EVI5: variants seen among roughly 807,000 people sequenced by gnomAD.
EVI5 encodes ecotropic viral integration site 5 protein homolog.
In EVI5, 73 loss-of-function variants were observed where a neutral mutation model predicts 112.0. That is an observed-to-expected ratio of 0.65 (90% CI 0.54 to 0.79). EVI5 has a LOEUF of 0.79. Among genes scored for constraint, EVI5 ranks in the 30% least tolerant of loss-of-function variants. The pLI is 0.00. For synonymous variants in EVI5, 305 were observed against 319.9 expected (o/e 0.95, Z 0.50); for missense variants, 900 against 968.8 (o/e 0.93, Z 0.94).
chr1:92,689,655 C>T (rs1288823590), intron 9 of EVI5, among the ~76,000 whole-genome samples: 9 of 151,878 alleles, frequency 5.9e-5, no homozygotes, highest in Non-Finnish European at 1.3e-4. Context: ...GATGTTAAAC[C>T]ACTGCACGTG....
intron 18 of EVI5, among the ~76,000 whole-genome samples, chr1:92,577,970 G>A (rs1348318574): frequency 6.6e-6 from 1 of 152,214 alleles, no homozygotes; most frequent in East Asian, 1.9e-4. Flanking sequence ...TTTGTTTAGT[G>A]CAAGGTAGCT....
chr1:92,621,361 T>G (rs1024509336), intron 16 of EVI5, among the ~76,000 whole-genome samples: 9 of 152,330 alleles, frequency 5.9e-5, no homozygotes, highest in Non-Finnish European at 1.2e-4. Flanking sequence ...CAGGCTGGAG[T>G]GCAGTGGCGT....
At chr1:92,667,863 C>A (rs1665196770) in intron 10 of EVI5, among the ~76,000 whole-genome samples, 1 of 152,186 alleles carries the variant, frequency 6.6e-6, no homozygotes, top group South Asian at 2.1e-4. Flanking sequence ...GATCCGCCCG[C>A]CTCAGCCTCC....
intron 1 of EVI5, among the ~76,000 whole-genome samples, chr1:92,744,308 T>C (rs980112157): frequency 1.3e-5 from 2 of 152,182 alleles, no homozygotes; most frequent in African/African-American, 4.8e-5. Context: ...GCAGTCTATA[T>C]ATATCAATTA....
chr1:92,729,325 T>A (rs531257079), intron 2 of EVI5, among the ~76,000 whole-genome samples: 18 of 152,310 alleles, frequency 1.2e-4, no homozygotes, highest in African/African-American at 4.3e-4. Context: ...GGTCTGAAAC[T>A]ATCCACAGTT....
chr1:92,708,414 CAAT>C (rs1486838635), intron 2 of EVI5, among the ~76,000 whole-genome samples: 1 of 152,074 alleles, frequency 6.6e-6, no homozygotes, highest in Non-Finnish European at 1.5e-5. Context: ...ATTGAAAACA[CAAT>C]GAGATATTTT....
At chr1:92,589,027 A>G (rs1232025425) in intron 18 of EVI5, among the ~76,000 whole-genome samples, 1 of 152,206 alleles carries the variant, frequency 6.6e-6, no homozygotes, top group Non-Finnish European at 1.5e-5. Context: ...TATAAGAAAG[A>G]TCTCTAACAA....
At position 92,703,608 on chromosome 1, in the gene EVI5, A is replaced by T. The variant is rs779730699; in HGVS notation, c.351T>A (p.His117Gln). 2.6e-6 allele frequency: 4 copies of T among 1,567,964 alleles called. No homozygotes were observed. Among genetic ancestry groups the T allele is most frequent in the Non-Finnish European group, 2.6e-6 (3 of 1,158,918 alleles). The part of the protein sequence containing the change: ...KKEKQVKELV[H>Q]KGIPHHFRAI... ...CTCTAAAGTGATGGGGTATCCCTTT[A>T]TGAACAAGTTCCTAAAAATAAAATA... Residue 117 changes from histidine (H) to glutamine (Q), a missense_variant, in exon 4 of 20, where the codon CAT becomes CAA. Coordinates refer to ENST00000684568, the MANE Select transcript of EVI5 (RefSeq NM_001350197.2).
chr1:92,712,175 T>C (rs1162036298), intron 2 of EVI5, among the ~76,000 whole-genome samples: 1 of 152,086 alleles, frequency 6.6e-6, no homozygotes, highest in Admixed American at 6.6e-5. Context: ...TCACATCCTT[T>C]CACATCAACA....
chr1:92,686,447 G>A (rs992979728), intron 9 of EVI5, among the ~76,000 whole-genome samples: 2 of 152,188 alleles, frequency 1.3e-5, no homozygotes, highest in Admixed American at 6.5e-5. Flanking sequence ...CATACTGAAT[G>A]GGCAAAAGCT....
chr1:92,607,466 A>G, intron 17 of EVI5, 115 bp downstream of exon 17: 1 of 738,190 alleles, frequency 1.4e-6, no homozygotes, highest in Non-Finnish European at 2.0e-6. Flanking sequence ...GAAAAGTAGA[A>G]AATAGGACGA....
intron 19 of EVI5, among the ~76,000 whole-genome samples, chr1:92,518,466 C>A (rs1286655433): frequency 6.6e-6 from 1 of 151,952 alleles, no homozygotes; most frequent in Non-Finnish European, 1.5e-5. Flanking sequence ...CTGGGATTCC[C>A]CCCAAAAGGA....
At chr1:92,786,428 C>G (rs1052443079), upstream of EVI5, among the ~76,000 whole-genome samples, 22 of 152,248 alleles carry the variant, frequency 1.4e-4, no homozygotes, top group African/African-American at 5.3e-4. Context: ...TATTGCAACT[C>G]AATCCTTGTA....
intron 1 of EVI5, among the ~76,000 whole-genome samples, chr1:92,755,643 G>A (rs186527837): frequency 2.0e-3 from 298 of 152,214 alleles, no homozygotes; most frequent in African/African-American, 6.8e-3. Context: ...ATTGGGAGCC[G>A]CCTGCCAGTC....
At chr1:92,553,485 T>C (rs1406083321) in intron 19 of EVI5, among the ~76,000 whole-genome samples, 2 of 151,782 alleles carry the variant, frequency 1.3e-5, no homozygotes, top group African/African-American at 2.4e-5. Context: ...GTATTTTTAG[T>C]AGAGACAGGC....
chr1:92,529,632 A>AAT (rs1224398460), intron 19 of EVI5, among the ~76,000 whole-genome samples: 1 of 152,214 alleles, frequency 6.6e-6, no homozygotes. Context: ...AAAACAATCA[A>AAT]ATATGGCTCC....
At chr1:92,618,847 G>A (rs1360363391) in intron 16 of EVI5, among the ~76,000 whole-genome samples, 2 of 152,146 alleles carry the variant, frequency 1.3e-5, no homozygotes, top group Non-Finnish European at 2.9e-5. Flanking sequence ...TTTGTACTAA[G>A]AAAATATATT....
intron 18 of EVI5, among the ~76,000 whole-genome samples, chr1:92,595,424 G>A (rs936529149): frequency 7.2e-5 from 11 of 152,010 alleles, no homozygotes; most frequent in African/African-American, 2.4e-4. Context: ...GTGGGGTGGG[G>A]GGAGGTTGGA....
In EVI5 at chr1:92,588,148, C is replaced by T. The variant is rs563658745; in HGVS notation, c.2070+17159G>A. ...TTAATTTTTTAACCTCATTTCCCTC[C>T]AAACTAAATACCATGAATTCTTACA... On this transcript the variant is annotated intron_variant, in intron 18 of 19. Transcript: ENST00000684568. Among the ~76,000 whole-genome samples the T allele has an allele frequency of 2.5e-4, 38 of 152,290 alleles. 1 individual carries two copies. In the South Asian group the frequency reaches 7.9e-3, roughly 32 times the overall value.
Sources: allele counts gnomAD v4.1 joint callset (sites outside exome capture counted in the v4.1 genomes callset), GRCh38; gene constraint gnomAD v4.1.1; transcripts MANE v1.5; gene names NCBI Gene and HGNC (gene_info 2026-07-23, HGNC 2026-07-21).